Variants in SULF1 observed in about 807,000 individuals in gnomAD.
The protein encoded by SULF1 is sulfatase 1, also known as extracellular sulfatase Sulf-1.
A neutral mutation model predicts 110.5 loss-of-function variants in SULF1; 46 were observed. The observed-to-expected ratio is 0.42, with a 90% confidence interval of 0.33 to 0.53. The LOEUF is 0.53. SULF1 is among the 20% of genes least tolerant of loss of function. The pLI is 0.12. For missense variants in SULF1, 941 were observed against 1,094.2 expected (o/e 0.86, Z 1.98); for synonymous variants, 371 against 387.1 (o/e 0.96, Z 0.49).
intron 5 of SULF1, among the ~76,000 whole-genome samples, chr8:69,568,408 A>G (rs1804955720): frequency 6.6e-6 from 1 of 152,234 alleles, no homozygotes; most frequent in African/African-American, 2.4e-5. Flanking sequence ...CTTCACTTTC[A>G]GGACAAATAA....
chr8:69,479,538 C>G (rs1809432155), intron 1 of SULF1, among the ~76,000 whole-genome samples: 1 of 152,102 alleles, frequency 6.6e-6, no homozygotes, highest in Non-Finnish European at 1.5e-5. Flanking sequence ...TGCACACTGT[C>G]AAAACTACTG....
intron 19 of SULF1, 126 bp downstream of exon 19, chr8:69,629,805 C>A: frequency 1.2e-6 from 1 of 856,646 alleles, no homozygotes; most frequent in Non-Finnish European, 1.8e-6. Context: ...TCATATTCTA[C>A]TCTATACTGG....
intron 2 of SULF1, among the ~76,000 whole-genome samples, chr8:69,501,486 G>A (rs966209719): frequency 1.3e-4 from 20 of 152,252 alleles, no homozygotes; most frequent in African/African-American, 2.9e-4. Context: ...ATGATTCAGC[G>A]CGTTTTCCTT....
At chr8:69,638,424 G>A in intron 19 of SULF1, 78 bp from the exon 20 acceptor site, 1 of 1,493,294 alleles carries the variant, frequency 6.7e-7, no homozygotes, top group Non-Finnish European at 9.1e-7. Context: ...GTAAAGATAA[G>A]GGAACACTGG....
chr8:69,625,710 C>T (rs1192079211), intron 15 of SULF1, among the ~76,000 whole-genome samples: 1 of 152,144 alleles, frequency 6.6e-6, no homozygotes, highest in Admixed American at 6.5e-5. Flanking sequence ...ATAAAAGCGG[C>T]GTGGACCCAA....
At chr8:69,643,681 A>G (rs1355929432) in intron 22 of SULF1, among the ~76,000 whole-genome samples, 2 of 151,976 alleles carry the variant, frequency 1.3e-5, no homozygotes, top group African/African-American at 4.8e-5. Flanking sequence ...TTTCTTTTCT[A>G]TCTTTTCTTT....
At chr8:69,602,170 C>A (rs559040040) in intron 10 of SULF1, among the ~76,000 whole-genome samples, 3 of 151,826 alleles carry the variant, frequency 2.0e-5, no homozygotes, top group Non-Finnish European at 2.9e-5. Flanking sequence ...AAAAAAAAAA[C>A]CTGACACCAT....
chr8:69,597,158 G>A (rs1807404710), intron 8 of SULF1: 2 of 152,332 alleles, frequency 1.3e-5, no homozygotes, highest in African/African-American at 4.8e-5. Context: ...ACAATCCTTA[G>A]TTAGGAAAGC....
chr8:69,583,766 A>G (rs1740392696), intron 6 of SULF1, among the ~76,000 whole-genome samples: 3 of 152,212 alleles, frequency 2.0e-5, no homozygotes, highest in African/African-American at 7.2e-5. Flanking sequence ...AAAAGCTTAC[A>G]GTCTAGCAGG....
chr8:69,585,122 T>C (rs551739063), intron 6 of SULF1, among the ~76,000 whole-genome samples: 1 of 152,312 alleles, frequency 6.6e-6, no homozygotes, highest in South Asian at 2.1e-4. Flanking sequence ...AAAACTTGCC[T>C]ACATATGTAT....
intron 2 of SULF1, among the ~76,000 whole-genome samples, chr8:69,497,442 C>A (rs1381008589): frequency 1.3e-5 from 2 of 152,148 alleles, no homozygotes; most frequent in Non-Finnish European, 2.9e-5. Context: ...AGGCATGAGC[C>A]ACCAGGCCCG....
intron 12 of SULF1, 27 bp downstream of exon 12, chr8:69,603,683 T>A: frequency 6.5e-7 from 1 of 1,532,720 alleles, no homozygotes; most frequent in Non-Finnish European, 9.0e-7. Flanking sequence ...GGGGTGCTTC[T>A]GGGAACCAGT....
At chr8:69,580,778 G>C (rs1268152185) in intron 6 of SULF1, among the ~76,000 whole-genome samples, 2 of 152,020 alleles carry the variant, frequency 1.3e-5, no homozygotes, top group Non-Finnish European at 2.9e-5. Flanking sequence ...TTTTTGTGAA[G>C]AATTCTTTTG....
intron 3 of SULF1, among the ~76,000 whole-genome samples, chr8:69,539,328 G>A (rs1269882022): frequency 6.6e-6 from 1 of 152,046 alleles, no homozygotes; most frequent in Non-Finnish European, 1.5e-5. Context: ...AGGGCTCTGT[G>A]AAAAAGGAAA....
intron 1 of SULF1, 44 bp downstream of exon 1, chr8:69,493,169 A>C (rs1190967852): frequency 6.6e-6 from 1 of 152,574 alleles, no homozygotes; most frequent in East Asian, 1.9e-4. Context: ...AAAGAAGACA[A>C]ACTTTCCTTC....
At chr8:69,480,432 G>T (rs533430707) in intron 1 of SULF1, among the ~76,000 whole-genome samples, 1 of 152,144 alleles carries the variant, frequency 6.6e-6, no homozygotes, top group Non-Finnish European at 1.5e-5. Flanking sequence ...GTCAATATTA[G>T]GGATACCTAT....
intron 10 of SULF1, among the ~76,000 whole-genome samples, chr8:69,602,266 G>A (rs568307167): frequency 1.1e-4 from 17 of 152,278 alleles, no homozygotes; most frequent in African/African-American, 3.6e-4. Flanking sequence ...TCTTTTAAAG[G>A]AAAAAGAGCT....
intron 1 of SULF1, among the ~76,000 whole-genome samples, chr8:69,477,470 T>C (rs181154037): frequency 6.6e-6 from 1 of 152,340 alleles, no homozygotes; most frequent in East Asian, 1.9e-4. Flanking sequence ...TCCACTTAAC[T>C]TCCTCATCTG....
At chr8:69,607,704 T>C (rs1042794440) in intron 13 of SULF1, among the ~76,000 whole-genome samples, 5 of 152,174 alleles carry the variant, frequency 3.3e-5, no homozygotes, top group Non-Finnish European at 5.9e-5. Flanking sequence ...TCTTGGCCTT[T>C]TGCTCTTTCT....
Sources: allele counts gnomAD v4.1 joint callset (sites outside exome capture counted in the v4.1 genomes callset), GRCh38; gene constraint gnomAD v4.1.1; transcripts MANE v1.5; gene names NCBI Gene and HGNC (gene_info 2026-07-23, HGNC 2026-07-21).